PCNT: variants seen among roughly 807,000 people sequenced by gnomAD.
PCNT encodes kendrin.
A neutral mutation model predicts 380.4 loss-of-function variants in PCNT; 319 were observed. The ratio of observed to expected loss-of-function variants is 0.84; its 90% confidence interval spans 0.77 to 0.92. PCNT has a LOEUF of 0.92. PCNT is among the 40% of genes least tolerant of loss of function. The pLI is 0.00. For missense variants in PCNT, 4,400 were observed against 4,255.3 expected (o/e 1.03, Z -0.95); for synonymous variants, 1,845 against 1,735.2 (o/e 1.06, Z -1.57).
intron 39 of PCNT, among the ~76,000 whole-genome samples, chr21:46,436,606 G>A (rs76705790): frequency 0.047 from 7,175 of 152,086 alleles, 219 homozygotes; most frequent in Non-Finnish European, 0.063. Flanking sequence ...ACAGAAACTC[G>A]GCAAACACAG....
intron 13 of PCNT, among the ~76,000 whole-genome samples, 188 bp downstream of exon 13, chr21:46,357,379 G>A (rs1171403094): frequency 2.0e-5 from 3 of 152,222 alleles, no homozygotes; most frequent in Admixed American, 6.5e-5. Flanking sequence ...AGTGGGTGGC[G>A]GTTGGATAGA....
chr21:46,384,186 G>A (rs531719101), intron 16 of PCNT, among the ~76,000 whole-genome samples: 13 of 122,424 alleles, frequency 1.1e-4, no homozygotes, highest in East Asian at 2.7e-4. Flanking sequence ...GCGCATTCAC[G>A]GTGTTGTGCG....
chr21:46,411,389 G>GA lies in PCNT; in HGVS notation c.5317dup (p.Ser1773LysfsTer36). The GA allele has an allele frequency of 1.2e-6, 2 of 1,613,844 alleles. No individual in the cohort carries two copies. Among genetic ancestry groups the GA allele is most frequent in the Non-Finnish European group, 1.7e-6 (2 of 1,180,000 alleles). ...GCGACAGTCAGGCTGGCAGTCTGCA[G>GA]AGCGAGCTGCTCTGCTCCCAGGCCG... On this transcript the variant is annotated frameshift_variant, in exon 28 of 47. Transcript: ENST00000359568. LOFTEE classifies it high-confidence loss of function.
rs753342590 is a variant in PCNT at position 46,355,587 on chromosome 21, C to G, written c.1897C>G (p.His633Asp). Residue 633 changes from histidine to aspartate, a missense_variant, in exon 12 of 47, where the codon CAC becomes GAC. Physicochemically the swap from His to Asp is moderately conservative, Grantham distance 81 (BLOSUM62 -1). Coordinates refer to ENST00000359568, the MANE Select transcript of PCNT (RefSeq NM_006031.6). ...RCCVETSALG[H>D]EWRLEPSEGH... ...CTGCGTAGAGACTTCAGCATTGGGA[C>G]ACGAGTGGCGTCTGGAACCCTCTGA... The G allele has an allele frequency of 6.2e-7, 1 of 1,614,116 alleles. No individual in the cohort carries two copies. The highest frequency in any genetic ancestry group is 1.1e-5 in the South Asian group (1 of 91,082).
In PCNT at chr21:46,411,658, C is replaced by T; in HGVS notation, c.5585C>T (p.Ala1862Val). 1 of 1,613,078 alleles carries T rather than the reference C, an allele frequency of 6.2e-7. No homozygotes were observed. The highest frequency in any genetic ancestry group is 8.5e-7 in the Non-Finnish European group (1 of 1,179,902). The change falls in exon 28 of 47, where the codon GCC becomes GTC. Residue 1862 changes from alanine to valine, a missense_variant. Transcript: ENST00000359568. ...TCCCGGATCCAGGAGTTCGAAGCGGCCCTGAAAGCAAAGGAAGCGACGATT... is the reference window on the plus strand; with the variant it reads ...TCCCGGATCCAGGAGTTCGAAGCGGTCCTGAAAGCAAAGGAAGCGACGATT... Reference protein sequence around the residue: ...MASRIQEFEAALKAKEATIAE... With the variant: ...MASRIQEFEAVLKAKEATIAE...
intron 30 of PCNT, 110 bp downstream of exon 30, chr21:46,416,949 GTGC>G: frequency 9.4e-7 from 1 of 1,067,110 alleles, no homozygotes; most frequent in Non-Finnish European, 1.4e-6. Flanking sequence ...ACACCTCGCA[GTGC>G]TGTGTGGGGC....
chr21:46,438,452 C>A (rs2053521375), intron 41 of PCNT, 115 bp downstream of exon 41: 1 of 887,586 alleles, frequency 1.1e-6, no homozygotes, highest in Admixed American at 1.9e-5. Flanking sequence ...TGGGCGTCAC[C>A]TTCTCCCTAA....
At chr21:46,355,385 A>G (rs1054442835) in intron 11 of PCNT, 67 bp from the exon 12 acceptor site, 1 of 1,514,132 alleles carries the variant, frequency 6.6e-7, no homozygotes, top group Non-Finnish European at 9.1e-7. Context: ...AACACCTTTG[A>G]GGGTTATAGC....
At chr21:46,379,534 G>C (rs2085443732) in intron 15 of PCNT, among the ~76,000 whole-genome samples, 1 of 152,040 alleles carries the variant, frequency 6.6e-6, no homozygotes, top group Admixed American at 6.6e-5. Context: ...GGAGGTTTTT[G>C]GCCGTCGTGT....
chr21:46,388,628 C>A lies in PCNT; in HGVS notation c.3465-114C>A. ...ATCATGTCTTCCGGCCCCGTGGGGA[C>A]AGGCAGCCGTGGGCCGAGGTGTGCA... On this transcript the variant is annotated intron_variant, in intron 17 of 46. Coordinates refer to ENST00000359568, the MANE Select transcript of PCNT (RefSeq NM_006031.6). This position sits in a 1 kb window ranked among gnomAD's most constrained non-coding sequence, Gnocchi z 4.2. The A allele has an allele frequency of 7.5e-7, 1 of 1,337,748 alleles. No individual in the cohort carries two copies. The highest frequency in any genetic ancestry group is 1.1e-6 in the Non-Finnish European group (1 of 943,126). The allele number at this position is 1,337,748 out of a possible 1,614,324, so 82.9% of individuals were successfully genotyped here. A position where few individuals can be genotyped will look rare whatever the true frequency, so the allele number is the denominator to read the frequency against.
chr21:46,409,450 A>G (rs2086716932), intron 27 of PCNT, among the ~76,000 whole-genome samples: 1 of 152,072 alleles, frequency 6.6e-6, no homozygotes, highest in Non-Finnish European at 1.5e-5. Flanking sequence ...GGCCTCCCAA[A>G]GTGTTGGGAT....
intron 3 of PCNT, among the ~76,000 whole-genome samples, chr21:46,337,386 T>C (rs1191700348): frequency 6.6e-6 from 1 of 152,224 alleles, no homozygotes; most frequent in East Asian, 1.9e-4. Context: ...AAGTGTTTGT[T>C]TACAGCTCCT....
rs370541579 is a variant in PCNT at position 46,390,780 on chromosome 21, G to A, written c.3951G>A (p.Lys1317=). 18 of 1,612,822 alleles carry A rather than the reference G, an allele frequency of 1.1e-5. No homozygotes were observed. The East Asian group carries it at 2.5e-4, about 22-fold the overall frequency. Residue 1317 remains lysine (K), a synonymous_variant, in exon 20 of 47, where the codon AAG becomes AAA. Coordinates refer to ENST00000359568, the MANE Select transcript of PCNT (RefSeq NM_006031.6). ...ACCAGGAGCTGCTGGAGTGTTTGAAGGAGGAGAGCGCAGCAAAGGCAGAGC... is the reference window on the plus strand; with the variant it reads ...ACCAGGAGCTGCTGGAGTGTTTGAAAGAGGAGAGCGCAGCAAAGGCAGAGC... The part of the protein sequence containing the change: ...RKHQELLECL[K]EESAAKAELA...
intron 46 of PCNT, among the ~76,000 whole-genome samples, 187 bp from the exon 47 acceptor site, chr21:46,445,094 GATT>G (rs1342009609): frequency 2.0e-5 from 3 of 152,182 alleles, no homozygotes; most frequent in Non-Finnish European, 4.4e-5. Flanking sequence ...CGAACATAAA[GATT>G]ATATTTCGAC....
Position 46,353,204 on chromosome 21 carries a change from G to A in PCNT, c.1557G>A (p.Leu519=), listed in dbSNP as rs1400847861. 23 of 1,614,012 alleles carry A rather than the reference G, an allele frequency of 1.4e-5. No homozygotes were observed. Among genetic ancestry groups the A allele is most frequent in the East Asian group, 2.2e-5 (1 of 44,898 alleles). Residue 519 remains leucine (L), a synonymous_variant, in exon 10 of 47, where the codon CTG becomes CTA. Coordinates refer to ENST00000359568, the MANE Select transcript of PCNT (RefSeq NM_006031.6). The part of the protein sequence containing the change: ...KTQHESELEQ[L]RIYFEKKLRD... Reference sequence around the variant, plus strand: ...AGCATGAGTCCGAACTGGAGCAACTGAGGATTTATTTTGAAAAGAAGTTAA... The same window carrying A: ...AGCATGAGTCCGAACTGGAGCAACTAAGGATTTATTTTGAAAAGAAGTTAA...
intron 9 of PCNT, among the ~76,000 whole-genome samples, chr21:46,351,955 C>T (rs746986706): frequency 2.0e-5 from 3 of 152,256 alleles, no homozygotes; most frequent in Non-Finnish European, 4.4e-5. Context: ...GGCCCCAGCT[C>T]TCCAGGCCAC....
intron 4 of PCNT, among the ~76,000 whole-genome samples, chr21:46,346,467 C>G (rs2084071046): frequency 6.6e-6 from 1 of 152,274 alleles, no homozygotes; most frequent in East Asian, 1.9e-4. Context: ...CTGTCAGCTG[C>G]GAAGCCCCCT....
intron 24 of PCNT, among the ~76,000 whole-genome samples, chr21:46,399,269 G>A (rs371477898): frequency 6.8e-6 from 1 of 147,726 alleles, no homozygotes; most frequent in African/African-American, 2.5e-5. Context: ...CAGCCTGTGG[G>A]TCTGGGTCTC....
intron 1 of PCNT, chr21:46,325,323 C>A: frequency 3.7e-6 from 2 of 538,040 alleles, no homozygotes; most frequent in Non-Finnish European, 4.7e-6. Flanking sequence ...CTGAGGCGGG[C>A]AGGAGGGGAA....
Sources: gnomAD v4.1 joint callset for allele counts (sites outside exome capture counted in the v4.1 genomes callset) on GRCh38, gnomAD v4.1.1 for gene constraint, Gnocchi (gnomAD v3.1) non-coding constraint, MANE v1.5 for transcripts, NCBI Gene and HGNC (gene_info 2026-07-23, HGNC 2026-07-21) for gene names.